GMDS: variants seen among roughly 807,000 people sequenced by gnomAD.
The protein encoded by GMDS is GDP-mannose 4,6-dehydratase.
In GMDS, 20 loss-of-function variants were observed where a neutral mutation model predicts 49.9. That is an observed-to-expected ratio of 0.40 (90% confidence interval 0.28 to 0.58). GMDS has a LOEUF of 0.58. Among genes scored for constraint, GMDS ranks in the 20% least tolerant of loss-of-function variants. The pLI is 0.42. For missense variants in GMDS, 362 were observed against 481.4 expected (o/e 0.75, Z 2.32); for synonymous variants, 177 against 178.6 (o/e 0.99, Z 0.07).
chr6:1,875,142 A>G (rs1180884279), intron 7 of GMDS, among the ~76,000 whole-genome samples: 1 of 152,174 alleles, frequency 6.6e-6, no homozygotes, highest in African/African-American at 2.4e-5. Flanking sequence ...AATAAAAAGA[A>G]TAATATCCAA....
At chr6:1,829,408 C>A (rs569593207) in intron 7 of GMDS, among the ~76,000 whole-genome samples, 1 of 152,092 alleles carries the variant, frequency 6.6e-6, no homozygotes, top group Non-Finnish European at 1.5e-5. Flanking sequence ...GGTTGTTTAT[C>A]CAAGTTGACC....
At chr6:1,693,943 T>TA (rs1431438699) in intron 9 of GMDS, among the ~76,000 whole-genome samples, 1 of 152,176 alleles carries the variant, frequency 6.6e-6, no homozygotes, top group Non-Finnish European at 1.5e-5. Flanking sequence ...AACTGGAACT[T>TA]AGAGAGTCAA....
At chr6:1,921,435 T>C (rs1761710670) in intron 7 of GMDS, among the ~76,000 whole-genome samples, 2 of 152,198 alleles carry the variant, frequency 1.3e-5, no homozygotes, top group Admixed American at 6.5e-5. Flanking sequence ...TGGGATGTCA[T>C]TCCAATCAAG....
chr6:1,937,712 G>A (rs569365382), intron 6 of GMDS, among the ~76,000 whole-genome samples: 4 of 152,254 alleles, frequency 2.6e-5, no homozygotes, highest in African/African-American at 9.6e-5. Flanking sequence ...ATTAGATTTA[G>A]GGCCCACCTT....
At position 1,827,179 on chromosome 6, in the gene GMDS, G is replaced by A. The variant is rs1771160039; in HGVS notation, c.772-84593C>T. 3.5e-5 allele frequency among the ~76,000 whole-genome samples: 5 copies of A among 142,414 alleles called. 1 individual carries two copies. In the South Asian group the frequency reaches 1.1e-3, roughly 33 times the overall value. 93.4% of individuals were successfully genotyped at this position (142,414 alleles called of 152,430 possible). ...CACACACACACACACACATATCCAG[G>A]ATATATATACATATATGTATCCTGG... On this transcript the variant is annotated intron_variant, in intron 7 of 10. Transcript: ENST00000380815.
rs543004967 is a variant in GMDS, at chr6:1,733,154, A to G, written c.891-6642T>C. Among the ~76,000 whole-genome samples the G allele has an allele frequency of 6.6e-5, 10 of 152,348 alleles. No homozygotes were observed. In the South Asian group the frequency reaches 2.1e-3, roughly 32 times the overall value. Reference sequence around the variant, plus strand: ...GCTCCATCAACATTCCAGATCCTGCACCACCACAGAAGCCACTAACAGGGT... The same window carrying G: ...GCTCCATCAACATTCCAGATCCTGCGCCACCACAGAAGCCACTAACAGGGT... On this transcript the variant is annotated intron_variant, in intron 8 of 10. Transcript: ENST00000380815.
intron 4 of GMDS, among the ~76,000 whole-genome samples, chr6:1,997,372 GTGGCACACGCCTGT>G (rs893766285): frequency 1.3e-5 from 2 of 151,964 alleles, no homozygotes; most frequent in African/African-American, 4.8e-5. Context: ...GCCAGGCGTG[GTGGCACACGCCTGT>G]AGTCCCAGCT....
At chr6:1,850,986 C>G (rs1364152724) in intron 7 of GMDS, among the ~76,000 whole-genome samples, 1 of 152,182 alleles carries the variant, frequency 6.6e-6, no homozygotes, top group Non-Finnish European at 1.5e-5. Flanking sequence ...CAAGTTGATC[C>G]TACTCTACGA....
chr6:1,711,499 C>T (rs1554110622), intron 9 of GMDS, among the ~76,000 whole-genome samples: 1 of 152,208 alleles, frequency 6.6e-6, no homozygotes, highest in Non-Finnish European at 1.5e-5. Flanking sequence ...GGTAACCCAC[C>T]CATCCACAAC....
In GMDS at chr6:1,649,885, T is replaced by G. The variant is rs112035614; in HGVS notation, c.988-25345A>C. On this transcript the variant is annotated intron_variant, in intron 9 of 10. Transcript: ENST00000380815. ...CTTGTCACTTTATGAGGGTGGCCAGTGCCTGGCTTCACAGTTTTCTAAATC... is the reference window on the plus strand; with the variant it reads ...CTTGTCACTTTATGAGGGTGGCCAGGGCCTGGCTTCACAGTTTTCTAAATC... Among the ~76,000 whole-genome samples the G allele has an allele frequency of 7.2e-3, 1,102 of 152,336 alleles. 13 individuals are homozygous for G. The highest frequency in any genetic ancestry group is 0.026 in the African/African-American group (1,069 of 41,576).
intron 4 of GMDS, among the ~76,000 whole-genome samples, chr6:2,010,068 C>T (rs531232618): frequency 6.6e-6 from 1 of 152,250 alleles, no homozygotes; most frequent in South Asian, 2.1e-4. Context: ...GTGGCTCACA[C>T]CTGTAATCCC....
intron 4 of GMDS, among the ~76,000 whole-genome samples, chr6:1,991,967 C>T (rs887804008): frequency 5.3e-5 from 8 of 152,202 alleles, no homozygotes; most frequent in Non-Finnish European, 1.5e-5. Context: ...AAGGCCAAAT[C>T]GCTGCAAATC....
intron 4 of GMDS, among the ~76,000 whole-genome samples, chr6:1,982,158 T>C (rs1187305051): frequency 6.6e-6 from 1 of 151,978 alleles, no homozygotes; most frequent in Non-Finnish European, 1.5e-5. Flanking sequence ...ATACAAAAAT[T>C]AGCCAGGCGT....
intron 9 of GMDS, among the ~76,000 whole-genome samples, chr6:1,651,069 G>A (rs1763639411): frequency 1.3e-5 from 2 of 152,196 alleles, no homozygotes; most frequent in African/African-American, 2.4e-5. Context: ...GGCCCTGCAT[G>A]GGAGGAAAAT....
intron 9 of GMDS, among the ~76,000 whole-genome samples, chr6:1,646,833 G>A (rs1322690364): frequency 6.6e-6 from 1 of 152,196 alleles, no homozygotes; most frequent in African/African-American, 2.4e-5. Flanking sequence ...AAAACTCCCT[G>A]AAGAGGAATT....
intron 9 of GMDS, among the ~76,000 whole-genome samples, chr6:1,637,222 G>A (rs1413497303): frequency 6.6e-6 from 1 of 152,218 alleles, no homozygotes; most frequent in Non-Finnish European, 1.5e-5. Context: ...GGGTGGAGAG[G>A]CCTCCCTTGG....
At position 1,960,786 on chromosome 6, in the gene GMDS, G is replaced by A. The variant is rs773607841; in HGVS notation, c.526C>T (p.Arg176Trp). 2.5e-6 allele frequency: 4 copies of A among 1,595,210 alleles called. No homozygotes were observed. The highest frequency in any genetic ancestry group is 3.4e-6 in the Non-Finnish European group (4 of 1,165,564). ...PQKETTPFYP[R>W]SPYGAAKLYA... ...CGCATGTTCTCACCATAGGGTGACC[G>A]GGGATAGAAAGGGGTGGTCTCCTTC... The change falls in exon 5 of 11, where the codon CGG becomes TGG. Residue 176 changes from arginine to tryptophan, a missense_variant. Coordinates refer to ENST00000380815, the MANE Select transcript of GMDS (RefSeq NM_001500.4).
At chr6:1,806,134 G>T (rs755189490) in intron 7 of GMDS, among the ~76,000 whole-genome samples, 1 of 151,836 alleles carries the variant, frequency 6.6e-6, no homozygotes, top group Non-Finnish European at 1.5e-5. Context: ...ACAAAGGAAA[G>T]AAAAAAAGCT....
intron 9 of GMDS, among the ~76,000 whole-genome samples, chr6:1,699,292 G>A (rs1316086830): frequency 6.6e-6 from 1 of 152,054 alleles, no homozygotes; most frequent in Non-Finnish European, 1.5e-5. Flanking sequence ...AGATGGGGGT[G>A]GGGAGAAAGA....
Sources: gnomAD v4.1 joint callset for allele counts (sites outside exome capture counted in the v4.1 genomes callset) on GRCh38, gnomAD v4.1.1 for gene constraint, MANE v1.5 for transcripts, NCBI Gene and HGNC (gene_info 2026-07-23, HGNC 2026-07-21) for gene names.